PUM2: variants seen among roughly 807,000 people sequenced by gnomAD.
The protein encoded by PUM2 is pumilio homolog 2.
PUM2 carries 57 observed loss-of-function variants against 124.5 expected under a neutral mutation model. The ratio of observed to expected loss-of-function variants is 0.46; its 90% CI spans 0.37 to 0.57. The LOEUF (loss-of-function observed/expected upper bound fraction) is 0.57, where lower values mean the gene tolerates loss of function less well. Ranked by LOEUF, PUM2 falls within the 20% of genes least tolerant of loss-of-function variation. The pLI is 0.00. For synonymous variants in PUM2, 460 were observed against 446.1 expected (o/e 1.03, Z -0.39); for missense variants, 1,065 against 1,290.6 (o/e 0.83, Z 2.68).
chr2:20,320,561 T>C (rs1682075974), intron 2 of PUM2, among the ~76,000 whole-genome samples: 1 of 151,970 alleles, frequency 6.6e-6, no homozygotes, highest in Non-Finnish European at 1.5e-5. Flanking sequence ...TTAATTAAAA[T>C]GTTTAAATGT....
At chr2:20,263,593 T>C (rs781156258) in intron 13 of PUM2, 133 bp from the exon 14 acceptor site, 14 of 1,114,246 alleles carry the variant, frequency 1.3e-5, no homozygotes, top group Non-Finnish European at 1.6e-5. Context: ...TGACAGAAAA[T>C]TAAAATTGGG....
chr2:20,335,566 A>T (rs1325999719), intron 1 of PUM2, among the ~76,000 whole-genome samples: 1 of 152,248 alleles, frequency 6.6e-6, no homozygotes, highest in East Asian at 1.9e-4. Context: ...CTAGTGGGTC[A>T]ACCAAGAGCT....
chr2:20,350,505 TCGGCTCCCGCCGAGGC>T (rs1192012338), intron 1 of PUM2, 76 bp downstream of exon 1: 4 of 985,176 alleles, frequency 4.1e-6, no homozygotes, highest in Middle Eastern at 5.2e-4. Flanking sequence ...CCGCTGGCGA[TCGGCTCCCGCCGAGGC>T]CGCCGCACAA....
At chr2:20,350,078 A>C (rs1689004230) in intron 1 of PUM2, 1 of 152,246 alleles carries the variant, frequency 6.6e-6, no homozygotes, top group Non-Finnish European at 1.5e-5. Context: ...CTATAACCTA[A>C]ACAAGGCGAA....
In PUM2 at chr2:20,292,927, C is replaced by CA. The variant is rs551009392; in HGVS notation, c.1152+1448dup. ...GGGCAACAAGAGCAAAACTCCATCT[C>CA]AAAAAAAACAAAACAAAACAAAACA... On this transcript the variant is annotated intron_variant, in intron 9 of 20. Transcript: ENST00000361078. Among the ~76,000 whole-genome samples the CA allele has an allele frequency of 1.5e-3, 224 of 150,744 alleles. 2 individuals carry two copies. Among genetic ancestry groups the CA allele is most frequent in the South Asian group, 0.011 (52 of 4,760 alleles).
In PUM2 at chr2:20,283,358, C is replaced by G. The variant is rs766865444; in HGVS notation, c.1420G>C (p.Ala474Pro). Reference sequence around the variant, plus strand: ...TTACACTTACCAGCTTGTGCTGCTGCTGAACTAATTAAAACAGGTGTTGGA... The same window carrying G: ...TTACACTTACCAGCTTGTGCTGCTGGTGAACTAATTAAAACAGGTGTTGGA... Reference protein sequence around the residue: ...MAPTPVLISSAAAQAAAAAAA... With the variant: ...MAPTPVLISSPAAQAAAAAAA... Residue 474 changes from alanine to proline, a missense_variant, in exon 11 of 21, where the codon GCA becomes CCA. Physicochemically the swap from Ala to Pro is conservative, Grantham distance 27 (BLOSUM62 -1). Around this residue, in one of 3 missense-constraint regions of PUM2, gnomAD observed 968 missense variants for 1,159.8 expected, o/e 0.83. Coordinates refer to ENST00000361078, the MANE Select transcript of PUM2 (RefSeq NM_015317.5). 3.7e-6 allele frequency: 6 copies of G among 1,613,954 alleles called. No individual in the cohort carries two copies. In the African/African-American group the frequency reaches 8.0e-5, roughly 22 times the overall value.
At chr2:20,283,515 A>AAGTGC in intron 10 of PUM2, 29 bp from the exon 11 acceptor site, 1 of 1,571,816 alleles carries the variant, frequency 6.4e-7, no homozygotes, top group Non-Finnish European at 8.7e-7. Context: ...TACTAATGAA[A>AAGTGC]GCACTTATTA....
intron 13 of PUM2, among the ~76,000 whole-genome samples, chr2:20,277,561 CA>C (rs905675447): frequency 9.9e-5 from 15 of 152,066 alleles, no homozygotes; most frequent in African/African-American, 3.6e-4. Context: ...ATGAACACTG[CA>C]ACAGATACCT....
intron 3 of PUM2, among the ~76,000 whole-genome samples, chr2:20,315,266 C>T (rs1465757985): frequency 3.9e-5 from 6 of 151,906 alleles, no homozygotes; most frequent in East Asian, 1.9e-4. Context: ...TTACAGAAAC[C>T]GGCATGTTCA....
rs1343943566 is a variant in PUM2, at chr2:20,260,477, A to C, written c.2226-11T>G. On this transcript the variant is annotated splice_polypyrimidine_tract_variant and intron_variant, in intron 14 of 20. Coordinates refer to ENST00000361078, the MANE Select transcript of PUM2 (RefSeq NM_015317.5). ...TTTTGCTGTATGAATCTACATAGGG[A>C]ACATTTTTAATATGACAATATGTTT... 1 of 1,595,000 alleles carries C rather than the reference A, an allele frequency of 6.3e-7. No homozygotes were observed. The highest frequency in any genetic ancestry group is 8.6e-7 in the Non-Finnish European group (1 of 1,164,940).
At chr2:20,267,378 A>G (rs1667944031) in intron 13 of PUM2, among the ~76,000 whole-genome samples, 1 of 152,146 alleles carries the variant, frequency 6.6e-6, no homozygotes, top group South Asian at 2.1e-4. Flanking sequence ...GATGAGGGGA[A>G]GAAGAGAGGG....
chr2:20,325,601 T>C (rs1683476094), intron 2 of PUM2, among the ~76,000 whole-genome samples: 1 of 151,832 alleles, frequency 6.6e-6, no homozygotes, highest in African/African-American at 2.4e-5. Flanking sequence ...CTAAAATTAA[T>C]GTAGGAGTAT....
chr2:20,257,336 C>T (rs1665061379), intron 16 of PUM2, among the ~76,000 whole-genome samples: 1 of 152,056 alleles, frequency 6.6e-6, no homozygotes, highest in African/African-American at 2.4e-5. Context: ...TGAATATATA[C>T]ACATATATAG....
At position 20,249,742 on chromosome 2, in the gene PUM2, T is replaced by A. The variant is rs1247038094; in HGVS notation, c.*1843A>T. On this transcript the variant is annotated 3_prime_UTR_variant, in exon 21 of 21. Transcript: ENST00000361078. ...TCATTTTAGTTTTCAGCACTGAACA[T>A]AAGTGGGTCAACATAAATGTTTATA... 1.3e-5 allele frequency: 2 copies of A among 152,644 alleles called. No individual in the cohort carries two copies. The highest frequency in any genetic ancestry group is 2.4e-5 in the African/African-American group (1 of 41,460). The allele number at this position is 152,644 out of a possible 1,614,324, so 9.5% of individuals were successfully genotyped here.
At chr2:20,334,167 C>A (rs1043818664) in intron 1 of PUM2, among the ~76,000 whole-genome samples, 4 of 151,978 alleles carry the variant, frequency 2.6e-5, no homozygotes, top group Non-Finnish European at 4.4e-5. Context: ...AAAAAATTAG[C>A]CAGGCATGGT....
intron 1 of PUM2, 83 bp downstream of exon 1, chr2:20,350,514 G>A: frequency 1.0e-6 from 1 of 985,532 alleles, no homozygotes; most frequent in Non-Finnish European, 1.2e-6. Flanking sequence ...ATCGGCTCCC[G>A]CCGAGGCCGC....
chr2:20,256,008 A>C (rs763663121), intron 17 of PUM2, 25 bp downstream of exon 17: 71 of 1,511,220 alleles, frequency 4.7e-5, no homozygotes, highest in Non-Finnish European at 6.2e-5. Flanking sequence ...CTGCTAACAA[A>C]TTATAAGCCA....
chr2:20,344,553 T>C (rs898420968), intron 1 of PUM2, among the ~76,000 whole-genome samples: 1 of 152,150 alleles, frequency 6.6e-6, no homozygotes, highest in Non-Finnish European at 1.5e-5. Flanking sequence ...CTCCTATCTC[T>C]CTTTTGTCAC....
intron 14 of PUM2, 64 bp from the exon 15 acceptor site, chr2:20,260,530 C>A (rs1356627597): frequency 7.1e-7 from 1 of 1,413,150 alleles, no homozygotes; most frequent in African/African-American, 1.4e-5. Context: ...TTACACCCTA[C>A]CCTTCCACAT....
Sources: allele counts gnomAD v4.1 joint callset (sites outside exome capture counted in the v4.1 genomes callset), GRCh38; gene constraint gnomAD v4.1.1; regional missense constraint gnomAD v4.1.1; transcripts MANE v1.5; gene names NCBI Gene and HGNC (gene_info 2026-07-23, HGNC 2026-07-21).